The following SCARA3 variants were observed in gnomAD, a reference collection of about 807,000 sequenced individuals.
SCARA3 encodes scavenger receptor class A member 3.
A neutral mutation model predicts 47.0 loss-of-function variants in SCARA3; 39 were observed. That is an observed-to-expected ratio of 0.83 (90% CI 0.64 to 1.08). The LOEUF is 1.08. Ranked by LOEUF, SCARA3 falls within the 50% of genes least tolerant of loss-of-function variation. The pLI is 0.00. For synonymous variants in SCARA3, 356 were observed against 334.1 expected (o/e 1.07, Z -0.71); for missense variants, 724 against 792.3 (o/e 0.91, Z 1.04).
chr8:27,704,324 T>C, the SCARA3 span, among the ~76,000 whole-genome samples: 1 of 152,128 alleles, frequency 6.6e-6, no homozygotes, highest in East Asian at 1.9e-4. Flanking sequence ...CACGCATCTG[T>C]AGTCTCAGCT....
chr8:27,657,996 G>A (rs2128920435), intron 4 of SCARA3, among the ~76,000 whole-genome samples: 1 of 152,282 alleles, frequency 6.6e-6, no homozygotes, highest in East Asian at 1.9e-4. Flanking sequence ...GAGACAGAAG[G>A]AGCAATGATA....
chr8:27,684,540 G>A, the SCARA3 span, among the ~76,000 whole-genome samples: 1 of 151,940 alleles, frequency 6.6e-6, no homozygotes, highest in Admixed American at 6.6e-5. Flanking sequence ...ATAATAATTT[G>A]CTAGGCATTG....
chr8:27,659,406 G>A lies in SCARA3; in HGVS notation c.1236G>A (p.Leu412=). The change falls in exon 5 of 6, where the codon CTG becomes CTA. Residue 412 remains leucine, a synonymous_variant. Coordinates refer to ENST00000301904, the MANE Select transcript of SCARA3 (RefSeq NM_016240.3). ...CCATCATGCTGGGCACCACAGACCT[G>A]CTCCGGGAGCGCTTCAGCCTGCTCA... ...SVSIMLGTTD[L]LRERFSLLSA... is the part of the protein sequence containing the mutation. 2 of 1,613,836 alleles carry A rather than the reference G, an allele frequency of 1.2e-6. No homozygotes were observed. The highest frequency in any genetic ancestry group is 1.7e-6 in the Non-Finnish European group (2 of 1,179,872).
At chr8:27,709,505 T>C in the SCARA3 span, among the ~76,000 whole-genome samples, 1 of 152,082 alleles carries the variant, frequency 6.6e-6, no homozygotes, top group Non-Finnish European at 1.5e-5. Context: ...TGTGTTTGGG[T>C]AGTAGTGTTG....
At chr8:27,677,520 G>T (rs1210255712), downstream of SCARA3, among the ~76,000 whole-genome samples, 2 of 152,220 alleles carry the variant, frequency 1.3e-5, no homozygotes, top group East Asian at 3.8e-4. Context: ...CATGCATTCA[G>T]TTGAGATACC....
the SCARA3 span, among the ~76,000 whole-genome samples, chr8:27,713,757 T>C: frequency 6.6e-6 from 1 of 152,206 alleles, no homozygotes; most frequent in Non-Finnish European, 1.5e-5. Context: ...AAATCAGCCA[T>C]TTCTCCAAGG....
chr8:27,714,984 A>T, the SCARA3 span, among the ~76,000 whole-genome samples: 2 of 152,054 alleles, frequency 1.3e-5, no homozygotes, highest in Non-Finnish European at 2.9e-5. Context: ...CAGTGGCATG[A>T]TCATGGCTCA....
the SCARA3 span, among the ~76,000 whole-genome samples, chr8:27,722,906 C>A: frequency 6.6e-6 from 1 of 152,144 alleles, no homozygotes; most frequent in Non-Finnish European, 1.5e-5. Flanking sequence ...TCCACTTGTC[C>A]CTGACTTCAG....
intron 5 of SCARA3, among the ~76,000 whole-genome samples, chr8:27,666,414 G>A (rs375502746): frequency 2.6e-5 from 4 of 152,204 alleles, no homozygotes; most frequent in Admixed American, 6.5e-5. Flanking sequence ...TTTGTTCTCC[G>A]TGGGAGGTTG....
chr8:27,686,044 G>A, the SCARA3 span, among the ~76,000 whole-genome samples: 16 of 152,228 alleles, frequency 1.1e-4, no homozygotes, highest in Middle Eastern at 6.8e-3. Flanking sequence ...TGCAATGTGC[G>A]GACTGTGTTT....
chr8:27,708,690 A>T, the SCARA3 span, among the ~76,000 whole-genome samples: 4 of 152,130 alleles, frequency 2.6e-5, no homozygotes, highest in South Asian at 2.1e-4. Context: ...TCTTTAAAAA[A>T]TTTTTCAATT....
At chr8:27,638,139 C>G (rs770186881) in intron 1 of SCARA3, among the ~76,000 whole-genome samples, 2 of 152,150 alleles carry the variant, frequency 1.3e-5, no homozygotes, top group Admixed American at 6.5e-5. Context: ...CAAGGCTCAT[C>G]GAGAGCGAGG....
rs1563410107 is a variant in SCARA3, at chr8:27,660,567, T to TAATAGAC, written c.1369+1029_1369+1030insATAGACA. Among the ~76,000 whole-genome samples, 800 of 150,666 alleles carry TAATAGAC rather than the reference T, an allele frequency of 5.3e-3. 9 individuals carry two copies. Among genetic ancestry groups the TAATAGAC allele is most frequent in the African/African-American group, 0.019 (762 of 40,822 alleles). ...GATAGATAGATAGATAGATAATAGA[T>TAATAGAC]AGATAGATGATAGATAGATCCAGAG... On this transcript the variant is annotated intron_variant, in intron 5 of 5. Coordinates refer to ENST00000301904, the MANE Select transcript of SCARA3 (RefSeq NM_016240.3).
intron 5 of SCARA3, among the ~76,000 whole-genome samples, chr8:27,660,654 A>AGATAGATAGATAGATCGATC (rs60638219): frequency 6.7e-6 from 1 of 149,804 alleles, no homozygotes; most frequent in African/African-American, 2.5e-5. Context: ...ATAGATAGAT[A>AGATAGATAGATAGATCGATC]GATCTAGAGA....
At chr8:27,635,443 T>C (rs1801230037) in intron 1 of SCARA3, among the ~76,000 whole-genome samples, 2 of 152,168 alleles carry the variant, frequency 1.3e-5, no homozygotes, top group African/African-American at 4.8e-5. Flanking sequence ...TTTTTAAAAA[T>C]GTATTTTATT....
the SCARA3 span, among the ~76,000 whole-genome samples, chr8:27,724,786 G>C: frequency 6.6e-6 from 1 of 152,126 alleles, no homozygotes; most frequent in Non-Finnish European, 1.5e-5. Context: ...CAAATTTTGG[G>C]GGGTGACAAT....
At chr8:27,640,995 C>G (rs916469276) in intron 1 of SCARA3, among the ~76,000 whole-genome samples, 3 of 152,326 alleles carry the variant, frequency 2.0e-5, no homozygotes, top group Middle Eastern at 3.4e-3. Context: ...CTGCACCCAG[C>G]TTGCAGTATT....
chr8:27,692,923 G>A, the SCARA3 span, among the ~76,000 whole-genome samples: 7 of 151,968 alleles, frequency 4.6e-5, no homozygotes, highest in African/African-American at 1.5e-4. Context: ...CCAGGAGATC[G>A]AGACCAGCTC....
At chr8:27,731,101 CT>C in the SCARA3 span, among the ~76,000 whole-genome samples, 374 of 135,154 alleles carry the variant, frequency 2.8e-3, 2 homozygotes, top group Admixed American at 5.0e-3. Flanking sequence ...TCTTTTTTTT[CT>C]TTTTTTTTTT....
Sources: allele counts gnomAD v4.1 joint callset (sites outside exome capture counted in the v4.1 genomes callset), GRCh38; gene constraint gnomAD v4.1.1; transcripts MANE v1.5; gene names NCBI Gene and HGNC (gene_info 2026-07-23, HGNC 2026-07-21).